HUNK: variants seen among roughly 807,000 people sequenced by gnomAD.
HUNK encodes the protein hormonally up-regulated Neu-associated kinase.
Under a neutral mutation model 61.0 loss-of-function variants are expected in HUNK, and 21 were observed. The observed-to-expected ratio is 0.34, with a 90% CI of 0.24 to 0.50. The LOEUF (loss-of-function observed/expected upper bound fraction) is 0.50, where lower values mean the gene tolerates loss of function less well. Among genes scored for constraint, HUNK ranks in the 20% least tolerant of loss-of-function variants. HUNK has a pLI of 0.98. For missense variants in HUNK, 772 were observed against 945.7 expected (o/e 0.82, Z 2.41); for synonymous variants, 371 against 386.1 (o/e 0.96, Z 0.46).
chr21:31,899,795 T>G (rs556737881), intron 1 of HUNK, among the ~76,000 whole-genome samples: 1 of 151,568 alleles, frequency 6.6e-6, no homozygotes, highest in South Asian at 2.1e-4. Context: ...TTTTTTTTTT[T>G]AGACAGAGTT....
Position 31,970,917 on chromosome 21 carries a change from G to A in HUNK, c.1010+2532G>A, listed in dbSNP as rs560509379. Among the ~76,000 whole-genome samples, 60 of 152,214 alleles carry A rather than the reference G, an allele frequency of 3.9e-4. No homozygotes were observed. The South Asian group carries it at 8.9e-3, about 23-fold the overall frequency. On this transcript the variant is annotated intron_variant, in intron 6 of 10. Transcript: ENST00000270112. ...AGCATAATGGCTGCACATGAAACTG[G>A]TTAAGTGGATTGTAAAACTGGCTGA...
chr21:31,944,062 A>G (rs1363086779), intron 3 of HUNK, among the ~76,000 whole-genome samples: 4 of 152,180 alleles, frequency 2.6e-5, no homozygotes, highest in Non-Finnish European at 5.9e-5. Context: ...TTTAAAGCAC[A>G]ATACTATTTT....
At chr21:31,951,397 T>A (rs545394312) in intron 4 of HUNK, among the ~76,000 whole-genome samples, 1 of 152,326 alleles carries the variant, frequency 6.6e-6, no homozygotes, top group East Asian at 1.9e-4. Context: ...CAAAATTAAC[T>A]TTATCTTCAG....
At chr21:31,950,036 T>A (rs747168462) in intron 4 of HUNK, among the ~76,000 whole-genome samples, 1 of 152,184 alleles carries the variant, frequency 6.6e-6, no homozygotes, top group Non-Finnish European at 1.5e-5. Flanking sequence ...GAGCCACGAT[T>A]TGACCTACGT....
chr21:31,881,212 T>C (rs2052304416), intron 1 of HUNK, among the ~76,000 whole-genome samples: 1 of 152,194 alleles, frequency 6.6e-6, no homozygotes, highest in Non-Finnish European at 1.5e-5. Flanking sequence ...GGGCTTTTCA[T>C]CTGAGTCCAT....
intron 1 of HUNK, among the ~76,000 whole-genome samples, chr21:31,877,876 C>A (rs550672507): frequency 2.9e-4 from 44 of 152,288 alleles, no homozygotes; most frequent in African/African-American, 9.1e-4. Flanking sequence ...GGCCCCCAAC[C>A]AGACAGAGTG....
At chr21:31,883,653 A>G (rs180840887) in intron 1 of HUNK, among the ~76,000 whole-genome samples, 2 of 152,260 alleles carry the variant, frequency 1.3e-5, no homozygotes, top group Admixed American at 1.3e-4. Context: ...AGAGAAGGAT[A>G]ATTGATAAGT....
chr21:31,882,673 A>T (rs1243598458), intron 1 of HUNK, among the ~76,000 whole-genome samples: 1 of 152,160 alleles, frequency 6.6e-6, no homozygotes, highest in East Asian at 1.9e-4. Context: ...GTATTATATC[A>T]AGTCCTCTGT....
intron 7 of HUNK, 30 bp downstream of exon 7, chr21:31,974,747 T>C: frequency 6.4e-7 from 1 of 1,558,996 alleles, no homozygotes; most frequent in Non-Finnish European, 8.7e-7. Flanking sequence ...CGATCGTCTC[T>C]GCTGTCTGTG....
intron 8 of HUNK, 73 bp from the exon 9 acceptor site, chr21:31,990,056 C>G: frequency 7.6e-7 from 1 of 1,324,156 alleles, no homozygotes; most frequent in South Asian, 1.2e-5. Context: ...GCTGCAGGGC[C>G]GTAGGGGAAG....
intron 1 of HUNK, among the ~76,000 whole-genome samples, chr21:31,896,822 C>T (rs1029703705): frequency 1.3e-5 from 2 of 152,190 alleles, no homozygotes; most frequent in Admixed American, 1.3e-4. Flanking sequence ...AAAGATTATT[C>T]TCTGTAGCTC....
intron 6 of HUNK, among the ~76,000 whole-genome samples, chr21:31,968,751 TGTGAGAGA>T (rs1278691484): frequency 3.1e-4 from 33 of 106,416 alleles, no homozygotes; most frequent in African/African-American, 1.1e-3. Context: ...TGTGTGTGTG[TGTGAGAGA>T]GAGAGAGTGA....
At chr21:31,970,865 T>C (rs2053005073) in intron 6 of HUNK, among the ~76,000 whole-genome samples, 1 of 152,118 alleles carries the variant, frequency 6.6e-6, no homozygotes, top group Admixed American at 6.6e-5. Flanking sequence ...ATTATTGTAA[T>C]GGTTTTTGCA....
intron 7 of HUNK, among the ~76,000 whole-genome samples, chr21:31,982,351 A>T (rs762466558): frequency 1.3e-5 from 2 of 152,218 alleles, no homozygotes; most frequent in Non-Finnish European, 2.9e-5. Context: ...CCCTACAGAC[A>T]ACTCAACTGC....
chr21:31,981,900 T>A (rs2053100117), intron 7 of HUNK, among the ~76,000 whole-genome samples: 2 of 152,152 alleles, frequency 1.3e-5, no homozygotes, highest in South Asian at 4.1e-4. Context: ...TTTTTATTTT[T>A]ATTTTTTCTT....
At chr21:31,884,761 G>T (rs1024203562) in intron 1 of HUNK, among the ~76,000 whole-genome samples, 31 of 151,924 alleles carry the variant, frequency 2.0e-4, no homozygotes, top group Non-Finnish European at 1.5e-5. Context: ...AGAACTGTGA[G>T]AAAGACACGT....
chr21:31,947,057 GGC>G (rs2052809383), intron 4 of HUNK, among the ~76,000 whole-genome samples: 3 of 146,720 alleles, frequency 2.0e-5, no homozygotes, highest in African/African-American at 7.6e-5. Flanking sequence ...CCACATCCCA[GGC>G]TCAAGCCAGT....
At chr21:31,964,267 A>G (rs2052948395) in intron 5 of HUNK, among the ~76,000 whole-genome samples, 1 of 152,234 alleles carries the variant, frequency 6.6e-6, no homozygotes, top group South Asian at 2.1e-4. Context: ...TGATCAGATT[A>G]TCAAATAATT....
chr21:31,888,249 T>C (rs2052361674), intron 1 of HUNK, among the ~76,000 whole-genome samples: 1 of 152,144 alleles, frequency 6.6e-6, no homozygotes, highest in South Asian at 2.1e-4. Context: ...ATAACAGTAT[T>C]AATAAGCAGC....
Sources: allele counts gnomAD v4.1 joint callset (sites outside exome capture counted in the v4.1 genomes callset), GRCh38; gene constraint gnomAD v4.1.1; transcripts MANE v1.5; gene names NCBI Gene and HGNC (gene_info 2026-07-23, HGNC 2026-07-21).